TFCP2L1: variants seen among roughly 807,000 people sequenced by gnomAD.
TFCP2L1 encodes transcription factor CP2 like 1, also known as transcription factor CP2-like protein 1.
A neutral mutation model predicts 72.2 loss-of-function variants in TFCP2L1; 12 were observed. That is an observed-to-expected ratio of 0.17 (90% CI 0.11 to 0.27). The LOEUF (loss-of-function observed/expected upper bound fraction) is 0.27. Among genes scored for constraint, TFCP2L1 ranks in the 10% least tolerant of loss-of-function variants. The pLI, the probability that TFCP2L1 is intolerant of heterozygous loss-of-function variation, is 1.00. For synonymous variants in TFCP2L1, 260 were observed against 251.0 expected (o/e 1.04, Z -0.34); for missense variants, 488 against 624.6 (o/e 0.78, Z 2.33).
rs1168362983 is a variant in TFCP2L1, at chr2:121,222,704, C to T, written c.*1637G>A. 6.6e-6 allele frequency: 1 copy of T among 152,200 alleles called. No homozygotes were observed. Among genetic ancestry groups the T allele is most frequent in the Non-Finnish European group, 1.5e-5 (1 of 68,042 alleles). The allele number at this position is 152,200 out of a possible 1,614,324, so 9.4% of individuals were successfully genotyped here. ...ACTGGGGGTGATGAAAATGTACCAA[C>T]GTTGACTGTAATTCTGTGAATTGAT... On this transcript the variant is annotated 3_prime_UTR_variant, in exon 15 of 15. Transcript: ENST00000263707.
At chr2:121,231,797 G>T in intron 13 of TFCP2L1, 29 bp downstream of exon 13, 1 of 1,609,370 alleles carries the variant, frequency 6.2e-7, no homozygotes. Context: ...AGAGCCCGTT[G>T]TCGGGGCAGG....
chr2:121,276,313 G>A (rs1687145882), intron 2 of TFCP2L1, among the ~76,000 whole-genome samples: 1 of 132,816 alleles, frequency 7.5e-6, no homozygotes, highest in Non-Finnish European at 1.7e-5. Context: ...AGAATATGCG[G>A]AGTTTGGTTT....
At chr2:121,254,408 C>T (rs73950917) in intron 2 of TFCP2L1, among the ~76,000 whole-genome samples, 3,363 of 152,186 alleles carry the variant, frequency 0.022, 92 homozygotes, top group African/African-American at 0.064. Flanking sequence ...GAGACAGGTT[C>T]GAACCAGGGG....
At chr2:121,231,801 G>C in intron 13 of TFCP2L1, 25 bp downstream of exon 13, 1 of 1,610,228 alleles carries the variant, frequency 6.2e-7, no homozygotes. Flanking sequence ...CCCGTTGTCG[G>C]GGCAGGCCAG....
chr2:121,260,395 G>A (rs1248268058), intron 2 of TFCP2L1, among the ~76,000 whole-genome samples: 1 of 152,186 alleles, frequency 6.6e-6, no homozygotes, highest in African/African-American at 2.4e-5. Context: ...CAGAAGTCTT[G>A]TGAGGATTAA....
In TFCP2L1 at chr2:121,218,320, C is replaced by T. The variant is rs1289383213; in HGVS notation, c.*6021G>A. On this transcript the variant is annotated 3_prime_UTR_variant, in exon 15 of 15. Coordinates refer to ENST00000263707, the MANE Select transcript of TFCP2L1 (RefSeq NM_014553.3). ...TTTTTTTTTGTGATGGGGGAGAAAA[C>T]ACTTCATTGGGTTCAAAGATAATAT... 2.6e-5 allele frequency: 4 copies of T among 151,564 alleles called. No homozygotes were observed. The highest frequency in any genetic ancestry group is 9.7e-5 in the African/African-American group (4 of 41,200). The allele number at this position is 151,564 out of a possible 1,614,324, so 9.4% of individuals were successfully genotyped here.
chr2:121,265,120 C>T (rs1238300827), intron 2 of TFCP2L1, among the ~76,000 whole-genome samples: 7 of 152,146 alleles, frequency 4.6e-5, no homozygotes, highest in Non-Finnish European at 2.9e-5. Context: ...GTACATCCCA[C>T]AGTGGAATAT....
chr2:121,241,624 A>G (rs1686370058), intron 7 of TFCP2L1, among the ~76,000 whole-genome samples: 1 of 152,160 alleles, frequency 6.6e-6, no homozygotes, highest in Non-Finnish European at 1.5e-5. Context: ...AGACAGCAAA[A>G]TAACAAGTGC....
At position 121,280,204 on chromosome 2, in the gene TFCP2L1, A is replaced by G. The variant is rs1404062495; in HGVS notation, c.214+916T>C. Among the ~76,000 whole-genome samples, 16 of 152,184 alleles carry G rather than the reference A, an allele frequency of 1.1e-4. No individual in the cohort carries two copies. The East Asian group carries it at 3.1e-3, about 29-fold the overall frequency. ...AACACTGAGGTTCAGAGAAAAAAAA[A>G]AAAGGCAGCTCCAAGTCACAGAGCT... On this transcript the variant is annotated intron_variant, in intron 2 of 14. Transcript: ENST00000263707.
intron 5 of TFCP2L1, among the ~76,000 whole-genome samples, chr2:121,247,446 G>A (rs1422580617): frequency 6.6e-6 from 1 of 151,442 alleles, no homozygotes; most frequent in African/African-American, 2.4e-5. Context: ...AATGGCACTC[G>A]ATATCAATGT....
chr2:121,225,618 G>A lies in TFCP2L1; in HGVS notation c.1342-5C>T, dbSNP rs768928230. 51 of 1,613,948 alleles carry A rather than the reference G, an allele frequency of 3.2e-5. No homozygotes were observed. The highest frequency in any genetic ancestry group is 1.6e-4 in the Middle Eastern group (1 of 6,082). ...ATCTTGGAAGTTCTGCACCATCTGA[G>A]AGACAAAAGAGAGAACATGTTCCTT... On this transcript the variant is annotated splice_polypyrimidine_tract_variant and splice_region_variant and intron_variant, in intron 13 of 14. Transcript: ENST00000263707.
At chr2:121,241,986 GA>G (rs1558732731) in intron 7 of TFCP2L1, among the ~76,000 whole-genome samples, 1 of 145,282 alleles carries the variant, frequency 6.9e-6, no homozygotes, top group Non-Finnish European at 1.5e-5. Flanking sequence ...CTGGAGGGGA[GA>G]AACCATGAAG....
Position 121,255,880 on chromosome 2 carries a change from C to G in TFCP2L1, c.215-6233G>C, listed in dbSNP as rs112186702. On this transcript the variant is annotated intron_variant, in intron 2 of 14. Coordinates refer to ENST00000263707, the MANE Select transcript of TFCP2L1 (RefSeq NM_014553.3). ...GCCTCAGGCTCCCGAGTAGCTGGGA[C>G]TGCAGGCGCCCGCCACCTCGCCCGG... Among the ~76,000 whole-genome samples, 50 of 152,154 alleles carry G rather than the reference C, an allele frequency of 3.3e-4. 1 individual carries two copies. Among genetic ancestry groups the G allele is most frequent in the African/African-American group, 1.1e-3 (47 of 41,526 alleles).
Position 121,225,577 on chromosome 2 carries a change from G to C in TFCP2L1, c.1378C>G (p.Leu460Val). The change falls in exon 14 of 15, where the codon CTC (leucine) becomes GTC (valine). Residue 460 changes from leucine to valine, a missense_variant. Transcript: ENST00000263707. The part of the protein sequence containing the change: ...QNFQDESCFV[L>V]STIKAESNDG... ...GAGGCTTCACCTTTAATTGTGCTGAGGACAAAACAGGATTCATCTTGGAAG... is the reference window on the plus strand; with the variant it reads ...GAGGCTTCACCTTTAATTGTGCTGACGACAAAACAGGATTCATCTTGGAAG... 1 of 1,614,084 alleles carries C rather than the reference G, an allele frequency of 6.2e-7. No homozygotes were observed. The highest frequency in any genetic ancestry group is 8.5e-7 in the Non-Finnish European group (1 of 1,180,024).
At chr2:121,257,375 C>T (rs1012125453) in intron 2 of TFCP2L1, among the ~76,000 whole-genome samples, 11 of 152,256 alleles carry the variant, frequency 7.2e-5, no homozygotes, top group Non-Finnish European at 7.4e-5. Flanking sequence ...CACCCCACCA[C>T]CCTACAAGAA....
At chr2:121,267,997 A>G (rs1410940961) in intron 2 of TFCP2L1, among the ~76,000 whole-genome samples, 1 of 152,228 alleles carries the variant, frequency 6.6e-6, no homozygotes, top group African/African-American at 2.4e-5. Flanking sequence ...CCCTGTCTCT[A>G]TAAAATATAT....
chr2:121,240,042 T>C, intron 7 of TFCP2L1: 1 of 985,080 alleles, frequency 1.0e-6, no homozygotes, highest in Non-Finnish European at 1.2e-6. Context: ...TTATAGGGAG[T>C]ACTGGACCAC....
intron 2 of TFCP2L1, among the ~76,000 whole-genome samples, chr2:121,265,512 C>T (rs1011100790): frequency 6.6e-6 from 1 of 151,518 alleles, no homozygotes; most frequent in Admixed American, 6.6e-5. Context: ...GAGACAGGGT[C>T]TCACTCTGTC....
Position 121,222,066 on chromosome 2 carries a change from T to C in TFCP2L1, c.*2275A>G, listed in dbSNP as rs919402782. On this transcript the variant is annotated 3_prime_UTR_variant, in exon 15 of 15. Transcript: ENST00000263707. Reference sequence around the variant, plus strand: ...CACAGGAAAAGACACTCAGCATCAGTTGCCATCAGGGGAATGCAAATCAAA... The same window carrying C: ...CACAGGAAAAGACACTCAGCATCAGCTGCCATCAGGGGAATGCAAATCAAA... 2.0e-5 allele frequency: 3 copies of C among 152,180 alleles called. No homozygotes were observed. Among genetic ancestry groups the C allele is most frequent in the Non-Finnish European group, 4.4e-5 (3 of 68,042 alleles). The allele number at this position is 152,180 out of a possible 1,614,324, so 9.4% of individuals were successfully genotyped here. A position where few individuals can be genotyped will look rare whatever the true frequency, so the allele number is the denominator to read the frequency against.
Sources: allele counts gnomAD v4.1 joint callset (sites outside exome capture counted in the v4.1 genomes callset), GRCh38; gene constraint gnomAD v4.1.1; transcripts MANE v1.5; gene names NCBI Gene and HGNC (gene_info 2026-07-23, HGNC 2026-07-21).